The following OSBPL2 variants were observed in gnomAD, a reference collection of about 807,000 sequenced individuals.
OSBPL2 encodes oxysterol-binding protein-related protein 2.
OSBPL2 carries 18 observed loss-of-function variants against 58.4 expected under a neutral mutation model. The ratio of observed to expected loss-of-function variants is 0.31; its 90% CI spans 0.21 to 0.46. The LOEUF (loss-of-function observed/expected upper bound fraction) is 0.46. OSBPL2 is among the 20% of genes least tolerant of loss of function. The probability of loss-of-function intolerance (pLI) is 1.00; values close to 1 mark genes in which losing one functional copy is unlikely to be tolerated. For synonymous variants in OSBPL2, 221 were observed against 234.1 expected, an observed-to-expected ratio of 0.94 and a Z score of 0.51; for missense variants, 461 against 616.5, an observed-to-expected ratio of 0.75 and a Z score of 2.67.
chr20:62,273,545 G>A (rs1601182730), intron 6 of OSBPL2, 139 bp downstream of exon 6: 2 of 712,744 alleles, frequency 2.8e-6, no homozygotes, highest in Admixed American at 6.1e-5. Context: ...AAAGCGTTTG[G>A]ATGCTGTAGG....
At chr20:62,240,951 G>T (rs1423600180) in intron 1 of OSBPL2, among the ~76,000 whole-genome samples, 1 of 152,210 alleles carries the variant, frequency 6.6e-6, no homozygotes, top group East Asian at 1.9e-4. Flanking sequence ...AGACTCTGAG[G>T]TCTCCGTTCT....
At chr20:62,293,117 C>A (rs929451300) in intron 13 of OSBPL2, among the ~76,000 whole-genome samples, 1 of 152,110 alleles carries the variant, frequency 6.6e-6, no homozygotes, top group Non-Finnish European at 1.5e-5. Context: ...CTGCCTCCAG[C>A]CTCCCAAAGT....
rs1217013265 is a variant in OSBPL2, at chr20:62,269,929, T to C, written c.259-2196T>C. Among the ~76,000 whole-genome samples, 2 of 152,248 alleles carry C rather than the reference T, an allele frequency of 1.3e-5. No homozygotes were observed. The highest frequency in any genetic ancestry group is 4.8e-5 in the African/African-American group (2 of 41,474). On this transcript the variant is annotated intron_variant, in intron 4 of 13. Transcript: ENST00000313733. The surrounding 1 kb of genome is among the most constrained non-coding windows in gnomAD (Gnocchi z 4.2). ...CAGTCCCCGTGTGTCCAGTGCCATC[T>C]GGGGCCTGCTCGCCCCTGCAGCAGC...
At chr20:62,252,696 G>A (rs747006647) in intron 1 of OSBPL2, among the ~76,000 whole-genome samples, 7 of 152,214 alleles carry the variant, frequency 4.6e-5, no homozygotes, top group African/African-American at 1.4e-4. Context: ...AGGAAAGGTC[G>A]TTTAATTAGG....
intron 1 of OSBPL2, among the ~76,000 whole-genome samples, chr20:62,239,512 C>T (rs190611923): frequency 3.0e-4 from 46 of 152,174 alleles, no homozygotes; most frequent in African/African-American, 9.7e-4. Flanking sequence ...GAACCGTCCT[C>T]TAGGACAGGC....
chr20:62,280,851 C>T (rs549391139), intron 7 of OSBPL2, among the ~76,000 whole-genome samples: 1 of 152,330 alleles, frequency 6.6e-6, no homozygotes, highest in South Asian at 2.1e-4. Flanking sequence ...AAGTAGAAAG[C>T]TTTGTAGATG....
At chr20:62,293,164 G>A (rs771370065) in intron 13 of OSBPL2, among the ~76,000 whole-genome samples, 2 of 147,138 alleles carry the variant, frequency 1.4e-5, no homozygotes, top group Non-Finnish European at 3.0e-5. Flanking sequence ...CGCCCGGCCT[G>A]TTCATTGTTT....
Position 62,295,521 on chromosome 20 carries a change from G to C in OSBPL2, c.*1634G>C, listed in dbSNP as rs1472353760. 1 of 152,168 alleles carries C rather than the reference G, an allele frequency of 6.6e-6. No individual in the cohort carries two copies. Among genetic ancestry groups the C allele is most frequent in the African/African-American group, 2.4e-5 (1 of 41,430 alleles). 9.4% of individuals were successfully genotyped at this position (152,168 alleles called of 1,614,324 possible). ...TTTTGTAGCTTTGGAAGCTGGAAGC[G>C]ATGGTGTTTGGTGCCGAGTCCTGTG... On this transcript the variant is annotated 3_prime_UTR_variant, in exon 14 of 14. Transcript: ENST00000313733. This position sits in a 1 kb window ranked among gnomAD's most constrained non-coding sequence, Gnocchi z 4.8.
intron 1 of OSBPL2, among the ~76,000 whole-genome samples, chr20:62,246,155 C>T (rs1362448761): frequency 6.6e-6 from 1 of 152,278 alleles, no homozygotes; most frequent in Non-Finnish European, 1.5e-5. Flanking sequence ...CTCCATCTTC[C>T]TCCACCCTCT....
At position 62,294,953 on chromosome 20, in the gene OSBPL2, C is replaced by CTTTTTT. The variant is rs11398486; in HGVS notation, c.*1077_*1082dup. 1 of 129,708 alleles carries CTTTTTT rather than the reference C, an allele frequency of 7.7e-6. No individual in the cohort carries two copies. The highest frequency in any genetic ancestry group is 1.6e-5 in the Non-Finnish European group (1 of 63,206). The allele number at this position is 129,708 out of a possible 1,614,324, so 8.0% of individuals were successfully genotyped here. ...GACTGATTTTTTTTTCTTTTCTTTC[C>CTTTTTT]TTTTTTTTTTTTTTTTGAGACGGAG... On this transcript the variant is annotated 3_prime_UTR_variant, in exon 14 of 14. Transcript: ENST00000313733.
At chr20:62,275,050 TC>T (rs1395524449) in intron 6 of OSBPL2, among the ~76,000 whole-genome samples, 2 of 152,130 alleles carry the variant, frequency 1.3e-5, no homozygotes, top group African/African-American at 4.8e-5. Context: ...TCAGGCATAA[TC>T]CCATACAAGA....
intron 12 of OSBPL2, 43 bp from the exon 13 acceptor site, chr20:62,291,660 T>C (rs756324452): frequency 4.5e-6 from 7 of 1,566,188 alleles, no homozygotes; most frequent in Non-Finnish European, 3.5e-6. Context: ...GGGGTGCGGT[T>C]CTAAGGTCTC....
chr20:62,281,272 G>C (rs187958434), intron 8 of OSBPL2, 107 bp downstream of exon 8: 3 of 761,070 alleles, frequency 3.9e-6, no homozygotes, highest in Non-Finnish European at 6.8e-6. Flanking sequence ...TCAGCCTCAC[G>C]AGCTGCTGCC....
At chr20:62,292,656 G>C (rs1983594203) in intron 13 of OSBPL2, among the ~76,000 whole-genome samples, 1 of 152,138 alleles carries the variant, frequency 6.6e-6, no homozygotes, top group Non-Finnish European at 1.5e-5. Context: ...AAATCTTTGG[G>C]TGTTTGTGAA....
rs753594849 is a variant in OSBPL2, at chr20:62,281,183, T to C, written c.782+18T>C. ...AACCACAGGTGACAGCACCCCACCG[T>C]TGGGTGAGAGCGCGAGGCTCCGGGT... On this transcript the variant is annotated intron_variant, in intron 8 of 13. Transcript: ENST00000313733. 2 of 1,571,562 alleles carry C rather than the reference T, an allele frequency of 1.3e-6. No individual in the cohort carries two copies. The highest frequency in any genetic ancestry group is 1.8e-6 in the Non-Finnish European group (2 of 1,142,574).
At chr20:62,251,109 T>C (rs572916117) in intron 1 of OSBPL2, among the ~76,000 whole-genome samples, 30 of 145,158 alleles carry the variant, frequency 2.1e-4, no homozygotes, top group African/African-American at 6.7e-4. Context: ...AGTGGTGCGA[T>C]CTCGGCTCAC....
intron 1 of OSBPL2, among the ~76,000 whole-genome samples, chr20:62,241,201 C>A (rs894132168): frequency 2.0e-5 from 3 of 151,614 alleles, no homozygotes; most frequent in Non-Finnish European, 4.4e-5. Flanking sequence ...GATGGAGTCT[C>A]GCTCTGTCGC....
At chr20:62,283,924 A>G in intron 9 of OSBPL2, 122 bp from the exon 10 acceptor site, 1 of 963,572 alleles carries the variant, frequency 1.0e-6, no homozygotes, top group Non-Finnish European at 1.6e-6. Context: ...ATTTATGTCC[A>G]GAGATGTCCC....
intron 12 of OSBPL2, chr20:62,291,403 T>A: frequency 2.4e-6 from 1 of 412,898 alleles, no homozygotes. Flanking sequence ...GGGTGGTGCC[T>A]GGGCCCTGCC....
Sources: allele counts gnomAD v4.1 joint callset (sites outside exome capture counted in the v4.1 genomes callset), GRCh38; gene constraint gnomAD v4.1.1; non-coding constraint Gnocchi (gnomAD v3.1); transcripts MANE v1.5; gene names NCBI Gene and HGNC (gene_info 2026-07-23, HGNC 2026-07-21).